Variants in FMO2 observed in about 807,000 individuals in gnomAD.
FMO2 encodes flavin containing dimethylaniline monoxygenase 2, also known as flavin-containing monooxygenase 2.
In FMO2, 33 loss-of-function variants were observed where a neutral mutation model predicts 41.6. The observed-to-expected ratio is 0.79, with a 90% CI of 0.60 to 1.06. FMO2 has a LOEUF of 1.06. FMO2 is among the 50% of genes least tolerant of loss of function. FMO2 has a pLI of 0.00. For synonymous variants in FMO2, 214 were observed against 219.6 expected (o/e 0.97, Z 0.23); for missense variants, 619 against 632.9 (o/e 0.98, Z 0.23).
At chr1:171,197,856 C>T (rs1658365596) in intron 4 of FMO2, among the ~76,000 whole-genome samples, 1 of 152,206 alleles carries the variant, frequency 6.6e-6, no homozygotes, top group African/African-American at 2.4e-5. Context: ...CCTTGGGACT[C>T]TTCAGAGTCC....
intron 8 of FMO2, 44 bp from the exon 9 acceptor site, chr1:171,208,750 T>G: frequency 1.3e-6 from 2 of 1,592,214 alleles, no homozygotes; most frequent in Non-Finnish European, 1.7e-6. Context: ...TCTAGAAAAC[T>G]TAGAACATTC....
intron 2 of FMO2, among the ~76,000 whole-genome samples, chr1:171,192,610 A>C (rs1379445544): frequency 3.3e-5 from 5 of 151,698 alleles, no homozygotes; most frequent in African/African-American, 1.2e-4. Flanking sequence ...AATACACACA[A>C]AAAAAATTAG....
intron 8 of FMO2, among the ~76,000 whole-genome samples, chr1:171,208,564 G>A (rs28369910): frequency 0.016 from 2,503 of 152,276 alleles, 36 homozygotes; most frequent in Middle Eastern, 0.044. Flanking sequence ...TACCAATCTT[G>A]TCACATTTCT....
Position 171,199,441 on chromosome 1 carries a change from A to G in FMO2, c.580A>G (p.Asn194Asp), listed in dbSNP as rs774406668. The G allele has an allele frequency of 6.2e-7, 1 of 1,612,966 alleles. No individual in the cohort carries two copies. The highest frequency in any genetic ancestry group is 2.2e-5 in the East Asian group (1 of 44,762). The change falls in exon 5 of 9, where the codon AAC (asparagine) becomes GAC (aspartate). Residue 194 changes from asparagine (N) to aspartate (D), a missense_variant. Coordinates refer to ENST00000209929, the MANE Select transcript of FMO2 (RefSeq NM_001460.5). ...ACGCATCCTGGTGATTGGAATGGGA[A>G]ACTCAGGCTCAGATATTGCTGTTGA... ...GKRILVIGMG[N>D]SGSDIAVELS...
chr1:171,204,133 A>G, intron 6 of FMO2, 69 bp downstream of exon 6: 4 of 1,131,310 alleles, frequency 3.5e-6, no homozygotes, highest in Non-Finnish European at 5.3e-6. Flanking sequence ...TGTCTCCCTT[A>G]ACAAAGATTC....
intron 7 of FMO2, chr1:171,207,482 T>G (rs1658808361): frequency 2.5e-6 from 1 of 394,712 alleles, no homozygotes; most frequent in African/African-American, 2.1e-5. Context: ...CACACTTCCC[T>G]TTTCCAGCCT....
chr1:171,207,537 C>T (rs1658810886), intron 7 of FMO2, 181 bp from the exon 8 acceptor site: 1 of 545,052 alleles, frequency 1.8e-6, no homozygotes, highest in Non-Finnish European at 3.3e-6. Flanking sequence ...GTAGACTGTG[C>T]ACCCTGGACA....
chr1:171,203,450 T>C (rs1571288578), intron 5 of FMO2, among the ~76,000 whole-genome samples: 2 of 152,284 alleles, frequency 1.3e-5, no homozygotes, highest in South Asian at 4.1e-4. Context: ...TATACTTGTG[T>C]AGTCACTAGG....
At chr1:171,193,299 C>A (rs28969551) in intron 2 of FMO2, 36 bp from the exon 3 acceptor site, 1 of 1,513,732 alleles carries the variant, frequency 6.6e-7, no homozygotes, top group Non-Finnish European at 9.0e-7. Flanking sequence ...TTTTTGAATG[C>A]GTAATTATCA....
chr1:171,189,659 C>CTTTTTTTTTTT (rs397827245), intron 2 of FMO2, among the ~76,000 whole-genome samples: 1 of 121,474 alleles, frequency 8.2e-6, no homozygotes, highest in African/African-American at 2.9e-5. Flanking sequence ...TTTTTCTTTT[C>CTTTTTTTTTTT]TTTTTTTTTT....
At chr1:171,195,227 C>T (rs1658255398) in intron 3 of FMO2, among the ~76,000 whole-genome samples, 1 of 152,128 alleles carries the variant, frequency 6.6e-6, no homozygotes, top group African/African-American at 2.4e-5. Flanking sequence ...TGTTAGAGCT[C>T]AACTCGAGAA....
chr1:171,189,664 T>C (rs907921495), intron 2 of FMO2, among the ~76,000 whole-genome samples: 3 of 145,326 alleles, frequency 2.1e-5, no homozygotes, highest in Admixed American at 7.0e-5. Context: ...CTTTTCTTTT[T>C]TTTTTTTTTT....
In FMO2 at chr1:171,185,840, T is replaced by C. The variant is rs141902145; in HGVS notation, c.127T>C (p.Phe43Leu). The C allele has an allele frequency of 6.2e-7, 1 of 1,613,458 alleles. No homozygotes were observed. Among genetic ancestry groups the C allele is most frequent in the African/African-American group, 1.3e-5 (1 of 74,870 alleles). The change falls in exon 2 of 9, where the codon TTC becomes CTC. Residue 43 changes from phenylalanine to leucine, a missense_variant. Phe to Leu is a conservative substitution (Grantham distance 22). Transcript: ENST00000209929. ...RTEDIGGVWR[F>L]KENVEDGRAS... is the part of the protein sequence containing the mutation. The stretch of plus-strand genomic sequence containing the variant: ...TGAAGATATTGGAGGAGTGTGGAGG[T>C]TCAAAGTAAGTGAGATTTTCTTGGG...
rs28369906 is a variant in FMO2 at position 171,207,167 on chromosome 1, G to A, written c.1184-551G>A. 1.9e-3 allele frequency among the ~76,000 whole-genome samples: 289 copies of A among 152,254 alleles called. 2 individuals carry two copies. The highest frequency in any genetic ancestry group is 6.4e-3 in the African/African-American group (266 of 41,554). On this transcript the variant is annotated intron_variant, in intron 7 of 8. Coordinates refer to ENST00000209929, the MANE Select transcript of FMO2 (RefSeq NM_001460.5). The stretch of plus-strand genomic sequence containing the variant: ...CACATCCAAAGCTCAGGGGACACTT[G>A]TGGGCAGGCGATGGAGTCATGAGCA...
chr1:171,211,411 A>G lies in FMO2; in HGVS notation c.*2266A>G, dbSNP rs1658975420. ...GTAAGGCATTGTCCCATTTTGCATA[A>G]CTTGCCTTATTTCATCATTATCACT... On this transcript the variant is annotated 3_prime_UTR_variant, in exon 9 of 9. Transcript: ENST00000209929. Among the ~76,000 whole-genome samples, 1 of 152,222 alleles carries G rather than the reference A, an allele frequency of 6.6e-6. No individual in the cohort carries two copies. The highest frequency in any genetic ancestry group is 2.1e-4 in the South Asian group (1 of 4,838).
Position 171,203,972 on chromosome 1 carries a change from T to C in FMO2, c.735T>C (p.Asn245=). ...CCCGGTTTCGTTCTATGCTCCGCAA[T>C]GTACTGCCACGAACAGCTGTAAAAT... ...FHTRFRSMLR[N]VLPRTAVKWM... The change falls in exon 6 of 9, where the codon AAT becomes AAC. Residue 245 remains asparagine, a synonymous_variant. Transcript: ENST00000209929. 6.2e-7 allele frequency: 1 copy of C among 1,613,768 alleles called. No homozygotes were observed. The highest frequency in any genetic ancestry group is 8.5e-7 in the Non-Finnish European group (1 of 1,179,766).
At chr1:171,201,890 C>T (rs1334903050) in intron 5 of FMO2, among the ~76,000 whole-genome samples, 1 of 152,134 alleles carries the variant, frequency 6.6e-6, no homozygotes, top group East Asian at 1.9e-4. Context: ...ATTAGGAGAA[C>T]AGCATGGCAG....
intron 2 of FMO2, among the ~76,000 whole-genome samples, chr1:171,189,800 T>C (rs1658008184): frequency 6.6e-6 from 1 of 151,984 alleles, no homozygotes; most frequent in African/African-American, 2.4e-5. Context: ...ACCACACATC[T>C]GGACCCATCT....
intron 2 of FMO2, among the ~76,000 whole-genome samples, chr1:171,190,387 A>G (rs1658031051): frequency 6.6e-6 from 1 of 152,188 alleles, no homozygotes; most frequent in African/African-American, 2.4e-5. Context: ...ATTATAGCAA[A>G]TTCTACACAT....
Sources: allele counts gnomAD v4.1 joint callset (sites outside exome capture counted in the v4.1 genomes callset), GRCh38; gene constraint gnomAD v4.1.1; transcripts MANE v1.5; gene names NCBI Gene and HGNC (gene_info 2026-07-23, HGNC 2026-07-21).